GNA14: variants seen among roughly 807,000 people sequenced by gnomAD.
The protein encoded by GNA14 is G protein subunit alpha 14.
Under a neutral mutation model 42.0 loss-of-function variants are expected in GNA14, and 50 were observed. The observed-to-expected ratio is 1.19, with a 90% CI of 0.95 to 1.51. The LOEUF (loss-of-function observed/expected upper bound fraction) is 1.51, where lower values mean the gene tolerates loss of function less well. GNA14 is among the 40% of genes most tolerant of loss of function. GNA14 has a pLI of 0.00. For missense variants in GNA14, 473 were observed against 446.2 expected (o/e 1.06, Z -0.54); for synonymous variants, 173 against 163.1 (o/e 1.06, Z -0.46).
intron 2 of GNA14, among the ~76,000 whole-genome samples, chr9:77,499,799 G>A (rs1054550611): frequency 7.2e-5 from 11 of 152,178 alleles, no homozygotes; most frequent in African/African-American, 2.2e-4. Flanking sequence ...GCAGTGGGCC[G>A]AGATCATGCC....
intron 1 of GNA14, among the ~76,000 whole-genome samples, chr9:77,588,968 T>C (rs926227650): frequency 1.3e-5 from 2 of 152,202 alleles, no homozygotes; most frequent in Admixed American, 1.3e-4. Context: ...TTAAAAGCCA[T>C]GGGCCAGCAC....
chr9:77,466,356 A>C (rs1478457891), intron 2 of GNA14, among the ~76,000 whole-genome samples: 1 of 152,120 alleles, frequency 6.6e-6, no homozygotes, highest in Non-Finnish European at 1.5e-5. Flanking sequence ...TTAAGTTCAC[A>C]CCGATTTTTT....
rs558599164 is a variant in GNA14, at chr9:77,549,560, C to T, written c.125-20307G>A. ...AGTCCAGCTTTGGTCTCCCCCACAA[C>T]TAGATTAAAAATAGCTTTGTATTTT... On this transcript the variant is annotated intron_variant, in intron 1 of 6. Coordinates refer to ENST00000341700, the MANE Select transcript of GNA14 (RefSeq NM_004297.4). 2.0e-5 allele frequency among the ~76,000 whole-genome samples: 3 copies of T among 152,316 alleles called. No homozygotes were observed. The South Asian group carries it at 6.2e-4, about 32-fold the overall frequency.
intron 2 of GNA14, among the ~76,000 whole-genome samples, chr9:77,447,957 C>G (rs1835849652): frequency 6.6e-6 from 1 of 152,236 alleles, no homozygotes; most frequent in Non-Finnish European, 1.5e-5. Context: ...CTACCACTCA[C>G]AGAGTCTTGA....
chr9:77,427,297 T>A (rs1022040278), intron 5 of GNA14, among the ~76,000 whole-genome samples: 2 of 150,604 alleles, frequency 1.3e-5, no homozygotes, highest in African/African-American at 2.5e-5. Flanking sequence ...CTATTTTTTT[T>A]ATATTGATAA....
At chr9:77,531,145 G>A (rs1016839668) in intron 1 of GNA14, among the ~76,000 whole-genome samples, 4 of 152,150 alleles carry the variant, frequency 2.6e-5, no homozygotes, top group African/African-American at 9.7e-5. Flanking sequence ...ATCCAGTAAA[G>A]GCAGGGCCCG....
chr9:77,582,014 G>A (rs961570403), intron 1 of GNA14, among the ~76,000 whole-genome samples: 1 of 152,170 alleles, frequency 6.6e-6, no homozygotes, highest in Non-Finnish European at 1.5e-5. Context: ...GCTCCCTGAA[G>A]CTCATAAACA....
Position 77,452,174 on chromosome 9 carries a change from C to T in GNA14, c.310-17652G>A, listed in dbSNP as rs545130192. On this transcript the variant is annotated intron_variant, in intron 2 of 6. Transcript: ENST00000341700. ...CAGCAGGTCTGAGATAGACGTGTAGCCAAGTGACAAGCTCCAGTACAGCCT... is the reference window on the plus strand; with the variant it reads ...CAGCAGGTCTGAGATAGACGTGTAGTCAAGTGACAAGCTCCAGTACAGCCT... Among the ~76,000 whole-genome samples the T allele has an allele frequency of 2.6e-5, 4 of 152,274 alleles. No individual in the cohort carries two copies. In the South Asian group the frequency reaches 8.3e-4, roughly 32 times the overall value.
chr9:77,641,893 G>GA (rs35742389), intron 1 of GNA14, among the ~76,000 whole-genome samples: 1 of 152,074 alleles, frequency 6.6e-6, no homozygotes, highest in East Asian at 1.9e-4. Flanking sequence ...AGAGTTTAGG[G>GA]AAAAAAAGGC....
intron 1 of GNA14, among the ~76,000 whole-genome samples, chr9:77,538,131 T>C (rs1253994918): frequency 6.7e-6 from 1 of 149,906 alleles, no homozygotes; most frequent in East Asian, 2.0e-4. Context: ...AGTGCAGAGG[T>C]ACAATCTTAG....
intron 2 of GNA14, among the ~76,000 whole-genome samples, chr9:77,508,049 G>A (rs142186468): frequency 1.7e-3 from 253 of 152,250 alleles, no homozygotes; most frequent in Non-Finnish European, 3.1e-3. Flanking sequence ...GTTTAGTCAT[G>A]TGAAAGTTTT....
intron 2 of GNA14, among the ~76,000 whole-genome samples, chr9:77,481,410 G>C (rs930477693): frequency 1.3e-5 from 2 of 152,202 alleles, no homozygotes; most frequent in African/African-American, 2.4e-5. Context: ...TATGGTCTGA[G>C]AGACAGTTTG....
intron 2 of GNA14, among the ~76,000 whole-genome samples, chr9:77,514,608 A>ATTTT (rs34158312): frequency 2.9e-5 from 4 of 136,678 alleles, no homozygotes; most frequent in South Asian, 2.5e-4. Context: ...ATAATATCAG[A>ATTTT]TTTTTTTTTT....
chr9:77,486,140 A>G (rs1256338552), intron 2 of GNA14, among the ~76,000 whole-genome samples: 1 of 152,216 alleles, frequency 6.6e-6, no homozygotes, highest in East Asian at 1.9e-4. Flanking sequence ...TGGTGTAGCC[A>G]CTTTCATCAA....
rs60998632 is a variant in GNA14, at chr9:77,473,124, T to G, written c.310-38602A>C. ...ACTTAACACAAAAGAAGTACAAAAC[T>G]TGTACAATGAAAACTACAAACAATT... On this transcript the variant is annotated intron_variant, in intron 2 of 6. Coordinates refer to ENST00000341700, the MANE Select transcript of GNA14 (RefSeq NM_004297.4). 8.5e-3 allele frequency among the ~76,000 whole-genome samples: 1,288 copies of G among 152,230 alleles called. 6 individuals are homozygous for G. The highest frequency in any genetic ancestry group is 0.01 in the Non-Finnish European group (698 of 68,006).
intron 1 of GNA14, among the ~76,000 whole-genome samples, chr9:77,599,730 C>T (rs901150400): frequency 2.0e-5 from 3 of 152,146 alleles, no homozygotes; most frequent in Non-Finnish European, 4.4e-5. Context: ...GACATGCCGT[C>T]GGGCCTCCTT....
chr9:77,532,817 T>G (rs1223241893), intron 1 of GNA14, among the ~76,000 whole-genome samples: 4 of 152,170 alleles, frequency 2.6e-5, no homozygotes, highest in Admixed American at 2.6e-4. Flanking sequence ...GAGGGTCCTC[T>G]GCAGCCTGAA....
intron 2 of GNA14, among the ~76,000 whole-genome samples, chr9:77,526,948 A>C (rs1463601236): frequency 1.3e-5 from 2 of 152,206 alleles, no homozygotes; most frequent in Admixed American, 6.5e-5. Flanking sequence ...AGGAAAAACA[A>C]AACAAAAGCA....
chr9:77,573,830 G>A (rs1234912226), intron 1 of GNA14, among the ~76,000 whole-genome samples: 2 of 152,172 alleles, frequency 1.3e-5, no homozygotes, highest in Non-Finnish European at 2.9e-5. Context: ...GGAAACTTTA[G>A]TGTTGGCATG....
Sources: allele counts gnomAD v4.1 joint callset (sites outside exome capture counted in the v4.1 genomes callset), GRCh38; gene constraint gnomAD v4.1.1; transcripts MANE v1.5; gene names NCBI Gene and HGNC (gene_info 2026-07-23, HGNC 2026-07-21).